GPHN: variants seen among roughly 807,000 people sequenced by gnomAD.
GPHN encodes the protein gephyrin.
GPHN carries 17 observed loss-of-function variants against 95.5 expected under a neutral mutation model. That is an observed-to-expected ratio of 0.18 (90% CI 0.12 to 0.27). The LOEUF (loss-of-function observed/expected upper bound fraction) is 0.27, where lower values mean the gene tolerates loss of function less well. Ranked by LOEUF, GPHN falls within the 10% of genes least tolerant of loss-of-function variation. The probability of loss-of-function intolerance (pLI) is 1.00; values close to 1 mark genes in which losing one functional copy is unlikely to be tolerated. For missense variants in GPHN, 660 were observed against 978.1 expected (o/e 0.67, Z 4.34); for synonymous variants, 320 against 322.5 (o/e 0.99, Z 0.08).
At chr14:67,673,541 C>T in the GPHN span, among the ~76,000 whole-genome samples, 2 of 152,180 alleles carry the variant, frequency 1.3e-5, no homozygotes, top group African/African-American at 4.8e-5. Context: ...CGGTGCCTCA[C>T]AATTCACCAG....
At chr14:67,174,090 TACTTTA>T (rs765845585) in intron 21 of GPHN, among the ~76,000 whole-genome samples, 4 of 152,238 alleles carry the variant, frequency 2.6e-5, no homozygotes, top group African/African-American at 7.2e-5. Context: ...TTTTTTATTA[TACTTTA>T]ACTTCTGGGG....
At chr14:67,482,717 A>G in the GPHN span, among the ~76,000 whole-genome samples, 1 of 152,186 alleles carries the variant, frequency 6.6e-6, no homozygotes, top group Non-Finnish European at 1.5e-5. Flanking sequence ...AGCAGGGAGG[A>G]AAATAGGGCT....
intron 10 of GPHN, among the ~76,000 whole-genome samples, chr14:67,044,206 A>G (rs1340021304): frequency 5.3e-5 from 8 of 152,034 alleles, no homozygotes; most frequent in Non-Finnish European, 1.2e-4. Context: ...GCATGGTGAC[A>G]CATACCCGTA....
the GPHN span, chr14:67,204,626 A>C: frequency 1.2e-6 from 2 of 1,613,840 alleles, no homozygotes; most frequent in Admixed American, 3.3e-5. Context: ...CGAGCCTACT[A>C]CTTACAGCTC....
At chr14:67,146,168 T>C (rs2080885524) in intron 18 of GPHN, among the ~76,000 whole-genome samples, 1 of 152,152 alleles carries the variant, frequency 6.6e-6, no homozygotes, top group Non-Finnish European at 1.5e-5. Context: ...CCTTCTAAAG[T>C]CTGACCACTT....
At chr14:66,933,845 T>G (rs2066955072) in intron 8 of GPHN, among the ~76,000 whole-genome samples, 1 of 152,078 alleles carries the variant, frequency 6.6e-6, no homozygotes, top group Non-Finnish European at 1.5e-5. Context: ...CATAAAAAGT[T>G]CACAGTCTAG....
At chr14:67,388,354 G>C in the GPHN span, 1 of 1,070,530 alleles carries the variant, frequency 9.3e-7, no homozygotes, top group African/African-American at 1.5e-5. Context: ...CAAAAGGGAA[G>C]AGTTGCACTC....
chr14:67,021,124 G>C (rs972083641), intron 9 of GPHN, among the ~76,000 whole-genome samples: 1 of 152,030 alleles, frequency 6.6e-6, no homozygotes, highest in African/African-American at 2.4e-5. Context: ...GTTTCATGGT[G>C]CAAGAGAAAA....
At chr14:67,473,553 C>T in the GPHN span, 1 of 1,613,664 alleles carries the variant, frequency 6.2e-7, no homozygotes, top group Non-Finnish European at 8.5e-7. This position sits in a 1 kb window ranked among gnomAD's most constrained non-coding sequence, Gnocchi z 6.5. Flanking sequence ...CCCGCAGAAC[C>T]AGGGCACGGC....
At chr14:66,757,342 A>G (rs934325854) in intron 2 of GPHN, among the ~76,000 whole-genome samples, 7 of 133,324 alleles carry the variant, frequency 5.3e-5, no homozygotes, top group Admixed American at 7.5e-5. Context: ...ATATATATAT[A>G]CACGCACACA....
At chr14:67,440,025 AG>A in the GPHN span, among the ~76,000 whole-genome samples, 4 of 152,038 alleles carry the variant, frequency 2.6e-5, no homozygotes, top group African/African-American at 4.8e-5. Context: ...TGGTAGAGAC[AG>A]GGTTTCACCA....
intron 18 of GPHN, among the ~76,000 whole-genome samples, chr14:67,150,200 T>A (rs1331202905): frequency 1.3e-5 from 2 of 151,904 alleles, no homozygotes; most frequent in Admixed American, 6.6e-5. Context: ...CCCAGCACTT[T>A]GGGAGGCCGA....
At chr14:67,066,679 G>A (rs990076343) in intron 11 of GPHN, among the ~76,000 whole-genome samples, 4 of 151,460 alleles carry the variant, frequency 2.6e-5, no homozygotes, top group African/African-American at 7.3e-5. Flanking sequence ...TCATTAATTT[G>A]ATCTTCAATC....
intron 1 of GPHN, among the ~76,000 whole-genome samples, chr14:66,680,606 A>T (rs2066881298): frequency 6.6e-6 from 1 of 152,212 alleles, no homozygotes; most frequent in Admixed American, 6.5e-5. Context: ...TTTCTTAGCT[A>T]GTCTGTCTAA....
intron 1 of GPHN, among the ~76,000 whole-genome samples, chr14:66,673,950 G>T (rs769787857): frequency 6.6e-6 from 1 of 151,894 alleles, no homozygotes; most frequent in African/African-American, 2.4e-5. Context: ...AGGGTATTTC[G>T]CATATCCGTA....
the GPHN span, among the ~76,000 whole-genome samples, chr14:67,298,063 A>G: frequency 6.6e-6 from 1 of 152,172 alleles, no homozygotes; most frequent in Non-Finnish European, 1.5e-5. Flanking sequence ...AGGTTAAGGC[A>G]TAAGGAATGC....
the GPHN span, chr14:67,364,717 T>A: frequency 1.1e-4 from 171 of 1,518,768 alleles, no homozygotes; most frequent in East Asian, 2.9e-3. Context: ...ATTTTTTTTT[T>A]ATTTTCACCT....
intron 2 of GPHN, among the ~76,000 whole-genome samples, chr14:66,685,256 G>A (rs1000744555): frequency 6.6e-6 from 1 of 152,102 alleles, no homozygotes; most frequent in South Asian, 2.1e-4. Flanking sequence ...AATCCTTTGG[G>A]TATATACCCA....
At chr14:67,280,695 A>T in the GPHN span, among the ~76,000 whole-genome samples, 1 of 152,162 alleles carries the variant, frequency 6.6e-6, no homozygotes, top group Non-Finnish European at 1.5e-5. Flanking sequence ...AGCTGTGGCT[A>T]CCCAGAATAG....
Sources: allele counts gnomAD v4.1 joint callset (sites outside exome capture counted in the v4.1 genomes callset), GRCh38; gene constraint gnomAD v4.1.1; non-coding constraint Gnocchi (gnomAD v3.1); transcripts MANE v1.5; gene names NCBI Gene and HGNC (gene_info 2026-07-23, HGNC 2026-07-21).